PTPRO: variants seen among roughly 807,000 people sequenced by gnomAD.
The protein encoded by PTPRO is receptor-type tyrosine-protein phosphatase O.
Under a neutral mutation model 145.2 loss-of-function variants are expected in PTPRO, and 62 were observed. The ratio of observed to expected loss-of-function variants is 0.43; its 90% CI spans 0.35 to 0.53. The LOEUF (loss-of-function observed/expected upper bound fraction) is 0.53, where lower values mean the gene tolerates loss of function less well. PTPRO is among the 20% of genes least tolerant of loss of function. The probability of loss-of-function intolerance (pLI) is 0.01; values close to 1 mark genes in which losing one functional copy is unlikely to be tolerated. For missense variants in PTPRO, 1,345 were observed against 1,482.7 expected, an observed-to-expected ratio of 0.91 and a Z score of 1.53; for synonymous variants, 565 against 514.7, an observed-to-expected ratio of 1.10 and a Z score of -1.32.
intron 1 of PTPRO, among the ~76,000 whole-genome samples, chr12:15,453,651 A>G (rs959009953): frequency 1.7e-4 from 26 of 152,218 alleles, no homozygotes; most frequent in Non-Finnish European, 3.7e-4. Flanking sequence ...TGTTAACTAT[A>G]GGCACAATAT....
rs202174485 is a variant in PTPRO at position 15,337,940 on chromosome 12, AG to A, written c.75+15141del. On this transcript the variant is annotated intron_variant, in intron 1 of 26. Transcript: ENST00000281171. ...CATGTGGCTAAAAGGGGCTAACATG[AG>A]GAAGCCTTGAAATAATGAAACAGTT... Among the ~76,000 whole-genome samples the A allele has an allele frequency of 9.2e-5, 14 of 152,338 alleles. No individual in the cohort carries two copies. The East Asian group carries it at 2.5e-3, about 27-fold the overall frequency.
At chr12:15,585,046 T>C (rs1944401758) in intron 23 of PTPRO, among the ~76,000 whole-genome samples, 1 of 152,200 alleles carries the variant, frequency 6.6e-6, no homozygotes, top group Non-Finnish European at 1.5e-5. Flanking sequence ...CTCACAGGGC[T>C]GACCCCAGTT....
chr12:15,560,947 A>G (rs1223025197), intron 17 of PTPRO, among the ~76,000 whole-genome samples: 2 of 151,948 alleles, frequency 1.3e-5, no homozygotes, highest in South Asian at 4.2e-4. Flanking sequence ...TTAATTTCTT[A>G]TTTTCTTAAC....
chr12:15,332,963 G>C (rs1030809604), intron 1 of PTPRO, among the ~76,000 whole-genome samples: 3 of 152,168 alleles, frequency 2.0e-5, no homozygotes, highest in African/African-American at 7.2e-5. Flanking sequence ...TCATCTCACT[G>C]TTCTGTCCTC....
intron 1 of PTPRO, among the ~76,000 whole-genome samples, chr12:15,475,400 C>T (rs1203574180): frequency 6.6e-6 from 1 of 152,078 alleles, no homozygotes; most frequent in East Asian, 1.9e-4. Flanking sequence ...ACAGTACTAT[C>T]TAGGTGAAAA....
At chr12:15,404,354 G>A (rs1939590282) in intron 1 of PTPRO, among the ~76,000 whole-genome samples, 1 of 151,954 alleles carries the variant, frequency 6.6e-6, no homozygotes, top group Admixed American at 6.6e-5. Context: ...ATTTTAATTT[G>A]CCTCTGTGAT....
chr12:15,350,202 G>A (rs1937753904), intron 1 of PTPRO, among the ~76,000 whole-genome samples: 1 of 152,142 alleles, frequency 6.6e-6, no homozygotes, highest in South Asian at 2.1e-4. Flanking sequence ...TTTCATCTGA[G>A]ACTCCCTGAA....
intron 15 of PTPRO, 152 bp downstream of exon 15, chr12:15,551,823 C>T (rs1381332601): frequency 1.2e-6 from 1 of 823,248 alleles, no homozygotes; most frequent in African/African-American, 1.7e-5. Context: ...TCTAAATAGA[C>T]TTCGAAACAT....
At position 15,580,834 on chromosome 12, in the gene PTPRO, A is replaced by G; in HGVS notation, c.3132+3A>G. On this transcript the variant is annotated splice_donor_region_variant and intron_variant, in intron 22 of 26. Transcript: ENST00000281171. ...CTCAGTGTAATGAGAAAAGGAGGGT[A>G]CGTACTTACTGAAACTGCTCCCACT... 6.2e-7 allele frequency: 1 copy of G among 1,613,890 alleles called. No homozygotes were observed. Among genetic ancestry groups the G allele is most frequent in the Non-Finnish European group, 8.5e-7 (1 of 1,179,800 alleles).
At chr12:15,403,094 G>A (rs1264926572) in intron 1 of PTPRO, among the ~76,000 whole-genome samples, 1 of 152,068 alleles carries the variant, frequency 6.6e-6, no homozygotes, top group African/African-American at 2.4e-5. Context: ...TATCTGATTT[G>A]ACTTCACTAA....
intron 24 of PTPRO, among the ~76,000 whole-genome samples, chr12:15,588,701 G>C (rs932742130): frequency 1.3e-5 from 2 of 152,144 alleles, no homozygotes; most frequent in African/African-American, 4.8e-5. Flanking sequence ...CCCAGACCTA[G>C]AGTTAGGGTA....
chr12:15,561,226 A>G (rs989089408), intron 17 of PTPRO, among the ~76,000 whole-genome samples: 11 of 152,116 alleles, frequency 7.2e-5, no homozygotes, highest in African/African-American at 2.7e-4. Context: ...AACAATAAAA[A>G]TATCTCATAG....
chr12:15,455,857 T>C (rs995263827), intron 1 of PTPRO, among the ~76,000 whole-genome samples: 2 of 152,164 alleles, frequency 1.3e-5, no homozygotes, highest in African/African-American at 4.8e-5. Flanking sequence ...TTTCTTTTTC[T>C]TGCCTAATTG....
chr12:15,532,069 C>A (rs1007440334), intron 12 of PTPRO, among the ~76,000 whole-genome samples: 9 of 151,934 alleles, frequency 5.9e-5, no homozygotes, highest in Non-Finnish European at 1.2e-4. Context: ...CTCAATTTAC[C>A]CAGTAATTGC....
At chr12:15,515,435 G>A (rs1942556567) in intron 7 of PTPRO, 63 bp from the exon 8 acceptor site, 1 of 1,590,332 alleles carries the variant, frequency 6.3e-7, no homozygotes, top group Admixed American at 1.7e-5. Context: ...TATTATACCA[G>A]CCTCTGTGTA....
At chr12:15,327,103 A>T (rs1186577587) in intron 1 of PTPRO, among the ~76,000 whole-genome samples, 1 of 152,216 alleles carries the variant, frequency 6.6e-6, no homozygotes, top group Non-Finnish European at 1.5e-5. Context: ...CTTTAAGGAA[A>T]ATATAGGAAA....
At chr12:15,515,228 C>T (rs2136500627) in intron 7 of PTPRO, among the ~76,000 whole-genome samples, 1 of 152,228 alleles carries the variant, frequency 6.6e-6, no homozygotes, top group East Asian at 1.9e-4. Context: ...GCTGATGTGT[C>T]TCTAGTGTGC....
At chr12:15,419,884 A>T (rs186589999) in intron 1 of PTPRO, among the ~76,000 whole-genome samples, 20 of 149,216 alleles carry the variant, frequency 1.3e-4, no homozygotes, top group South Asian at 6.4e-4. Context: ...GCAGTGGCTC[A>T]CGCCTGTAAT....
At chr12:15,532,558 C>T (rs1334818298) in intron 12 of PTPRO, among the ~76,000 whole-genome samples, 5 of 152,152 alleles carry the variant, frequency 3.3e-5, no homozygotes. Flanking sequence ...TTCCTCCAAA[C>T]TTTCAAACAC....
Sources: allele counts gnomAD v4.1 joint callset (sites outside exome capture counted in the v4.1 genomes callset), GRCh38; gene constraint gnomAD v4.1.1; transcripts MANE v1.5; gene names NCBI Gene and HGNC (gene_info 2026-07-23, HGNC 2026-07-21).